The following ARID1B variants were observed in gnomAD, a reference collection of about 807,000 sequenced individuals.
ARID1B encodes the protein AT-rich interactive domain-containing protein 1B.
ARID1B carries 30 observed loss-of-function variants against 212.3 expected under a neutral mutation model. That is an observed-to-expected ratio of 0.14 (90% CI 0.11 to 0.19). The LOEUF is 0.19. Ranked by LOEUF, ARID1B falls within the 10% of genes least tolerant of loss-of-function variation. ARID1B has a pLI of 1.00. For missense variants in ARID1B, 2,891 were observed against 3,204.0 expected, an observed-to-expected ratio of 0.90 and a Z score of 2.36; for synonymous variants, 1,402 against 1,301.7, an observed-to-expected ratio of 1.08 and a Z score of -1.66.
intron 4 of ARID1B, among the ~76,000 whole-genome samples, chr6:156,987,531 C>T (rs1258605926): frequency 2.0e-5 from 3 of 152,120 alleles, no homozygotes; most frequent in South Asian, 2.1e-4. Context: ...GGGGTTTCAC[C>T]GTGTTAGCCA....
chr6:157,111,711 A>G (rs567823733), intron 6 of ARID1B, among the ~76,000 whole-genome samples: 3 of 152,360 alleles, frequency 2.0e-5, no homozygotes, highest in South Asian at 2.1e-4. Flanking sequence ...CTTTCTCTAC[A>G]TATCATTTGT....
At chr6:156,867,802 C>G (rs1250742537) in intron 2 of ARID1B, among the ~76,000 whole-genome samples, 1 of 152,188 alleles carries the variant, frequency 6.6e-6, no homozygotes, top group Non-Finnish European at 1.5e-5. Context: ...CTTTAAATCT[C>G]AGGCTGTTCA....
At chr6:157,130,937 T>G (rs1341004532) in intron 6 of ARID1B, among the ~76,000 whole-genome samples, 1 of 152,254 alleles carries the variant, frequency 6.6e-6, no homozygotes, top group African/African-American at 2.4e-5. Flanking sequence ...GTGTGCTAGA[T>G]GGATAATGTC....
rs534122576 is a variant in ARID1B, at chr6:156,929,763, G to T, written c.2137-5703G>T. 3.5e-4 allele frequency among the ~76,000 whole-genome samples: 53 copies of T among 152,216 alleles called. No individual in the cohort carries two copies. In the South Asian group the frequency reaches 8.9e-3, roughly 26 times the overall value. On this transcript the variant is annotated intron_variant, in intron 3 of 19. Coordinates refer to ENST00000636930, the MANE Select transcript of ARID1B (RefSeq NM_001374828.1). ...TGTTGCATTTTGTTTCTGACCTGAC[G>T]CTCTTTGTTGGATTTTGCTGGCATC...
chr6:157,155,116 G>A (rs1325014697), intron 8 of ARID1B, among the ~76,000 whole-genome samples: 1 of 152,070 alleles, frequency 6.6e-6, no homozygotes, highest in Non-Finnish European at 1.5e-5. Context: ...ACATTCCCAT[G>A]TAGACTCCAC....
intron 9 of ARID1B, 40 bp downstream of exon 9, chr6:157,167,225 C>T (rs763478779): frequency 3.8e-6 from 6 of 1,583,542 alleles, no homozygotes; most frequent in Middle Eastern, 3.4e-4. Flanking sequence ...CCCTCTCTCT[C>T]CCCTCTCCTC....
intron 4 of ARID1B, among the ~76,000 whole-genome samples, chr6:157,061,131 T>A (rs1328590760): frequency 1.3e-5 from 2 of 152,206 alleles, no homozygotes; most frequent in Non-Finnish European, 2.9e-5. Context: ...TGTCAAAGTT[T>A]AATTCCTTCT....
At chr6:156,839,927 C>T (rs958183432) in intron 2 of ARID1B, among the ~76,000 whole-genome samples, 1 of 152,202 alleles carries the variant, frequency 6.6e-6, no homozygotes, top group African/African-American at 2.4e-5. Context: ...ATTTAAGTCA[C>T]GTGAATGCAC....
intron 4 of ARID1B, among the ~76,000 whole-genome samples, chr6:157,016,777 C>T (rs1337531182): frequency 2.0e-5 from 3 of 152,144 alleles, no homozygotes; most frequent in Non-Finnish European, 2.9e-5. Flanking sequence ...ACTAATCTTT[C>T]TTAAATGTAT....
At chr6:157,152,505 A>G (rs1486158316) in intron 8 of ARID1B, 1 of 152,244 alleles carries the variant, frequency 6.6e-6, no homozygotes, top group Non-Finnish European at 1.5e-5. Context: ...TGTGAATTTT[A>G]ACTTTTATGT....
At chr6:157,000,585 G>T (rs1246254933) in intron 4 of ARID1B, among the ~76,000 whole-genome samples, 3 of 151,972 alleles carry the variant, frequency 2.0e-5, no homozygotes, top group Non-Finnish European at 4.4e-5. Context: ...CTATATGGAT[G>T]TGGAACAATG....
chr6:157,043,014 C>G (rs1781992276), intron 4 of ARID1B, among the ~76,000 whole-genome samples: 1 of 152,032 alleles, frequency 6.6e-6, no homozygotes, highest in South Asian at 2.1e-4. Flanking sequence ...GTTTTAGGCA[C>G]CTAAAATTTA....
intron 4 of ARID1B, among the ~76,000 whole-genome samples, chr6:157,013,906 A>G (rs1779759557): frequency 1.3e-5 from 2 of 152,344 alleles, no homozygotes; most frequent in South Asian, 2.1e-4. Flanking sequence ...TGCTTTGCTC[A>G]AGATCAGTGC....
At chr6:157,087,918 T>C (rs1785055075) in intron 5 of ARID1B, among the ~76,000 whole-genome samples, 2 of 152,218 alleles carry the variant, frequency 1.3e-5, no homozygotes, top group African/African-American at 4.8e-5. Context: ...TTTCTACTGT[T>C]GTCTCTACAC....
chr6:156,795,751 G>A (rs928259043), intron 1 of ARID1B, among the ~76,000 whole-genome samples: 3 of 152,026 alleles, frequency 2.0e-5, no homozygotes, highest in Admixed American at 6.5e-5. Flanking sequence ...GACCCTCTGC[G>A]CCCTTCCTTC....
intron 4 of ARID1B, among the ~76,000 whole-genome samples, chr6:157,040,761 G>A (rs1019338268): frequency 6.6e-6 from 1 of 152,150 alleles, no homozygotes; most frequent in African/African-American, 2.4e-5. Flanking sequence ...AAATATCTAT[G>A]TTCTACTTCT....
At chr6:156,892,322 G>T (rs948058331) in intron 2 of ARID1B, among the ~76,000 whole-genome samples, 2 of 151,956 alleles carry the variant, frequency 1.3e-5, no homozygotes, top group East Asian at 1.9e-4. Flanking sequence ...TTGCCCTGTT[G>T]CTCTGTAATA....
At chr6:156,835,239 C>CAAAAAAAA (rs58070286) in intron 2 of ARID1B, among the ~76,000 whole-genome samples, 6 of 107,626 alleles carry the variant, frequency 5.6e-5, no homozygotes, top group African/African-American at 1.1e-4. Context: ...GACTCTGTCA[C>CAAAAAAAA]AAAAAAAAAA....
Position 157,209,646 on chromosome 6 carries a change from T to C in ARID1B, c.*1755T>C, listed in dbSNP as rs887547906. 1 of 233,134 alleles carries C rather than the reference T, an allele frequency of 4.3e-6. No individual in the cohort carries two copies. The highest frequency in any genetic ancestry group is 5.6e-5 in the Admixed American group (1 of 17,790). The allele number at this position is 233,134 out of a possible 1,614,324, so 14.4% of individuals were successfully genotyped here. A position where few individuals can be genotyped will look rare whatever the true frequency, so the allele number is the denominator to read the frequency against. ...TTCAATCTATTCCTTGTTTCTTCTG[T>C]GTGCCTCAGAGTTATTTTGCATTTA... On this transcript the variant is annotated 3_prime_UTR_variant, in exon 20 of 20. Coordinates refer to ENST00000636930, the MANE Select transcript of ARID1B (RefSeq NM_001374828.1).
Sources: allele counts gnomAD v4.1 joint callset (sites outside exome capture counted in the v4.1 genomes callset), GRCh38; gene constraint gnomAD v4.1.1; transcripts MANE v1.5; gene names NCBI Gene and HGNC (gene_info 2026-07-23, HGNC 2026-07-21).